Variants in SPATA6 observed in about 807,000 individuals in gnomAD.
SPATA6 encodes spermatogenesis associated 6, also known as spermatogenesis-associated protein 6.
SPATA6 carries 56 observed loss-of-function variants against 65.3 expected under a neutral mutation model. That is an observed-to-expected ratio of 0.86 (90% CI 0.69 to 1.07). The LOEUF (loss-of-function observed/expected upper bound fraction) is 1.07. SPATA6 is among the 50% of genes least tolerant of loss of function. The pLI, the probability that SPATA6 is intolerant of heterozygous loss-of-function variation, is 0.00. For missense variants in SPATA6, 590 were observed against 594.8 expected (o/e 0.99, Z 0.08); for synonymous variants, 199 against 213.2 (o/e 0.93, Z 0.58).
intron 5 of SPATA6, among the ~76,000 whole-genome samples, chr1:48,407,497 T>C (rs1466768445): frequency 3.3e-5 from 5 of 152,214 alleles, no homozygotes; most frequent in African/African-American, 1.2e-4. Context: ...TTTGTGCCAC[T>C]GCCCAAAACT....
At chr1:48,338,679 A>G (rs1646126057) in intron 11 of SPATA6, among the ~76,000 whole-genome samples, 1 of 152,054 alleles carries the variant, frequency 6.6e-6, no homozygotes, top group Admixed American at 6.6e-5. Context: ...ATAGAGGTAA[A>G]ATTGAAAACA....
the SPATA6 span, among the ~76,000 whole-genome samples, chr1:48,290,288 C>A: frequency 6.6e-6 from 1 of 152,150 alleles, no homozygotes; most frequent in African/African-American, 2.4e-5. Flanking sequence ...CCTTTACAGA[C>A]AAGCAAATGC....
At chr1:48,371,042 CT>C (rs2148858685) in intron 9 of SPATA6, among the ~76,000 whole-genome samples, 1 of 152,248 alleles carries the variant, frequency 6.6e-6, no homozygotes, top group Non-Finnish European at 1.5e-5. Context: ...ATAGGCCACC[CT>C]CAATTGTGGC....
intron 1 of SPATA6, among the ~76,000 whole-genome samples, chr1:48,459,607 T>A (rs1657269794): frequency 3.3e-5 from 5 of 152,214 alleles, no homozygotes; most frequent in Admixed American, 3.3e-4. Context: ...TAATTTGACC[T>A]AAATGACATT....
At chr1:48,310,987 A>C (rs1645192612) in intron 11 of SPATA6, among the ~76,000 whole-genome samples, 1 of 152,200 alleles carries the variant, frequency 6.6e-6, no homozygotes, top group Non-Finnish European at 1.5e-5. Flanking sequence ...CAGTAGGCCA[A>C]ATAAAACAGC....
At chr1:48,470,154 A>G (rs1658126181) in intron 1 of SPATA6, among the ~76,000 whole-genome samples, 1 of 152,186 alleles carries the variant, frequency 6.6e-6, no homozygotes, top group African/African-American at 2.4e-5. Context: ...TTTCTGCAAT[A>G]CAACTAATAC....
At position 48,399,570 on chromosome 1, in the gene SPATA6, T is replaced by C. The variant is rs143086813; in HGVS notation, c.561A>G (p.Gln187=). ...GRLQNRTSRS[Q]KKKSKSPERS... Reference sequence around the variant, plus strand: ...TCTCAGGTGACTTGGATTTTTTCTTTTGTGATCTTGATGTTCTGTTTTGCA... The same window carrying C: ...TCTCAGGTGACTTGGATTTTTTCTTCTGTGATCTTGATGTTCTGTTTTGCA... The change falls in exon 7 of 13, where the codon CAA becomes CAG. Residue 187 remains glutamine, a synonymous_variant. Transcript: ENST00000371847. The C allele has an allele frequency of 3.1e-6, 5 of 1,612,808 alleles. No individual in the cohort carries two copies. The African/African-American group carries it at 5.3e-5, about 17-fold the overall frequency.
intron 11 of SPATA6, among the ~76,000 whole-genome samples, chr1:48,343,111 C>T (rs1344726740): frequency 6.6e-6 from 1 of 152,062 alleles, no homozygotes; most frequent in African/African-American, 2.4e-5. Context: ...AATTTAAGAA[C>T]AGCAACAGAA....
the SPATA6 span, among the ~76,000 whole-genome samples, chr1:48,268,407 T>C: frequency 6.6e-6 from 1 of 152,098 alleles, no homozygotes; most frequent in African/African-American, 2.4e-5. Context: ...TGAAATCACA[T>C]TGAACATTCC....
chr1:48,343,703 A>G (rs1487832693), intron 11 of SPATA6, among the ~76,000 whole-genome samples: 10 of 152,176 alleles, frequency 6.6e-5, no homozygotes, highest in Non-Finnish European at 1.5e-5. Context: ...TAACAATGGA[A>G]CATGCTTATG....
chr1:48,414,650 T>C (rs921771270), intron 3 of SPATA6, among the ~76,000 whole-genome samples: 2 of 152,100 alleles, frequency 1.3e-5, no homozygotes, highest in South Asian at 4.1e-4. Flanking sequence ...TTTAGGGGCA[T>C]AGGCTCACCA....
chr1:48,351,630 C>A (rs1349059936), intron 11 of SPATA6, among the ~76,000 whole-genome samples: 1 of 152,026 alleles, frequency 6.6e-6, no homozygotes, highest in Non-Finnish European at 1.5e-5. Context: ...AATAAGTCCA[C>A]TTAATTGTGA....
intron 9 of SPATA6, among the ~76,000 whole-genome samples, chr1:48,366,742 A>C (rs1208106926): frequency 3.9e-5 from 6 of 152,126 alleles, no homozygotes; most frequent in Middle Eastern, 3.4e-3. Context: ...TTTTCAAAAA[A>C]CCAGCTCCTG....
chr1:48,459,997 G>T (rs529132014), intron 1 of SPATA6, among the ~76,000 whole-genome samples: 5 of 152,120 alleles, frequency 3.3e-5, no homozygotes, highest in African/African-American at 1.2e-4. Flanking sequence ...AAGATATGAG[G>T]TGTTGCTCTG....
In SPATA6 at chr1:48,370,382, G is replaced by A. The variant is rs539839834; in HGVS notation, c.910-10612C>T. On this transcript the variant is annotated intron_variant, in intron 9 of 12. Transcript: ENST00000371847. ...AGAGGAAAGTATGGTTCTGAAAGGGGAAAAAGTAGATATGGGTAACTGAAA... is the reference window on the plus strand; with the variant it reads ...AGAGGAAAGTATGGTTCTGAAAGGGAAAAAAGTAGATATGGGTAACTGAAA... 8.5e-5 allele frequency among the ~76,000 whole-genome samples: 13 copies of A among 152,300 alleles called. No individual in the cohort carries two copies. The East Asian group carries it at 1.5e-3, about 18-fold the overall frequency.
intron 11 of SPATA6, among the ~76,000 whole-genome samples, chr1:48,322,938 T>C (rs370573153): frequency 8.5e-5 from 13 of 152,162 alleles, no homozygotes; most frequent in African/African-American, 2.9e-4. Flanking sequence ...CTGGAGAGGA[T>C]GTAGAGAAAT....
intron 2 of SPATA6, 94 bp from the exon 3 acceptor site, chr1:48,451,694 A>G (rs1019368430): frequency 5.4e-5 from 68 of 1,259,216 alleles, no homozygotes; most frequent in Non-Finnish European, 7.3e-5. Flanking sequence ...ACAATCACAG[A>G]AACTTTTGAC....
intron 3 of SPATA6, among the ~76,000 whole-genome samples, chr1:48,423,614 C>T (rs1316918548): frequency 1.6e-5 from 2 of 128,192 alleles, no homozygotes; most frequent in Non-Finnish European, 1.6e-5. Flanking sequence ...ATGGCACAAT[C>T]TCGGCTCACT....
chr1:48,418,368 C>A (rs181343211), intron 3 of SPATA6, among the ~76,000 whole-genome samples: 2 of 151,668 alleles, frequency 1.3e-5, no homozygotes, highest in Non-Finnish European at 2.9e-5. Context: ...AAAGCAAAAT[C>A]CTGTCTTCTA....
Sources: gnomAD v4.1 joint callset for allele counts (sites outside exome capture counted in the v4.1 genomes callset) on GRCh38, gnomAD v4.1.1 for gene constraint, MANE v1.5 for transcripts, NCBI Gene and HGNC (gene_info 2026-07-23, HGNC 2026-07-21) for gene names.